Variants in RALGPS2 observed in about 807,000 individuals in gnomAD.
RALGPS2 encodes the protein Ral GEF with PH domain and SH3 binding motif 2.
A neutral mutation model predicts 86.8 loss-of-function variants in RALGPS2; 43 were observed. That is an observed-to-expected ratio of 0.50 (90% CI 0.39 to 0.64). RALGPS2 has a LOEUF of 0.64. Ranked by LOEUF, RALGPS2 falls within the 30% of genes least tolerant of loss-of-function variation. The probability of loss-of-function intolerance (pLI) is 0.00; values close to 1 mark genes in which losing one functional copy is unlikely to be tolerated. For missense variants in RALGPS2, 536 were observed against 694.6 expected (o/e 0.77, Z 2.57); for synonymous variants, 243 against 231.3 (o/e 1.05, Z -0.46).
At chr1:178,766,612 C>T (rs1370803183) in intron 1 of RALGPS2, among the ~76,000 whole-genome samples, 1 of 152,164 alleles carries the variant, frequency 6.6e-6, no homozygotes, top group Non-Finnish European at 1.5e-5. Flanking sequence ...GCTCAAAGTA[C>T]AGCCATTAGC....
At chr1:178,901,098 A>T (rs569934622) in intron 17 of RALGPS2, among the ~76,000 whole-genome samples, 1 of 152,176 alleles carries the variant, frequency 6.6e-6, no homozygotes, top group African/African-American at 2.4e-5. Context: ...TCATGTTGTT[A>T]TGAATGTGCC....
At chr1:178,776,967 A>T (rs1377699384) in intron 2 of RALGPS2, 146 bp downstream of exon 2, 3 of 613,942 alleles carry the variant, frequency 4.9e-6, no homozygotes, top group South Asian at 2.2e-5. Flanking sequence ...ATTTTTTTTT[A>T]TACTTTAAGT....
intron 4 of RALGPS2, among the ~76,000 whole-genome samples, chr1:178,800,878 G>C (rs1247284974): frequency 1.3e-5 from 2 of 151,850 alleles, no homozygotes; most frequent in Non-Finnish European, 2.9e-5. Flanking sequence ...AGAGAGGGCT[G>C]TGAATCACCT....
At chr1:178,867,917 T>C (rs1167087067) in intron 8 of RALGPS2, among the ~76,000 whole-genome samples, 1 of 152,070 alleles carries the variant, frequency 6.6e-6, no homozygotes, top group African/African-American at 2.4e-5. Context: ...CCTTTTTTGG[T>C]ATTTTTCAAT....
intron 8 of RALGPS2, among the ~76,000 whole-genome samples, chr1:178,845,101 C>CAAA (rs769062978): frequency 2.3e-5 from 2 of 85,548 alleles, no homozygotes; most frequent in African/African-American, 4.1e-5. Flanking sequence ...GACTCCATCT[C>CAAA]AAAAAAAAAA....
intron 1 of RALGPS2, among the ~76,000 whole-genome samples, chr1:178,754,192 C>T (rs941076306): frequency 3.3e-5 from 5 of 151,458 alleles, no homozygotes; most frequent in Admixed American, 1.3e-4. Context: ...TATTAGGGTT[C>T]TCCAGAGAAA....
chr1:178,758,329 G>C lies in RALGPS2; in HGVS notation c.-83-18353G>C, dbSNP rs905211584. 2.0e-5 allele frequency among the ~76,000 whole-genome samples: 3 copies of C among 152,162 alleles called. No individual in the cohort carries two copies. The East Asian group carries it at 5.8e-4, about 29-fold the overall frequency. On this transcript the variant is annotated intron_variant, in intron 1 of 19. Transcript: ENST00000367635. Reference sequence around the variant, plus strand: ...CGAGATACTTTGATAGAGGCATACAGTGCGTAATAATCATCTCGTGGTAAA... The same window carrying C: ...CGAGATACTTTGATAGAGGCATACACTGCGTAATAATCATCTCGTGGTAAA...
intron 1 of RALGPS2, chr1:178,746,880 C>A (rs1394206758): frequency 8.5e-7 from 1 of 1,181,024 alleles, no homozygotes. Context: ...GTCAGTTTTT[C>A]TTCTTCTAGA....
chr1:178,892,109 C>G, intron 14 of RALGPS2, 121 bp from the exon 15 acceptor site: 1 of 957,010 alleles, frequency 1.0e-6, no homozygotes. Flanking sequence ...ACATACTATC[C>G]TTTTGTAAGA....
intron 8 of RALGPS2, among the ~76,000 whole-genome samples, chr1:178,848,629 T>C (rs547427588): frequency 1.3e-5 from 2 of 152,356 alleles, no homozygotes; most frequent in South Asian, 4.1e-4. Flanking sequence ...AATGGATCAA[T>C]GTAATTTCAT....
At chr1:178,793,279 G>A (rs770629849) in intron 4 of RALGPS2, among the ~76,000 whole-genome samples, 3 of 151,730 alleles carry the variant, frequency 2.0e-5, no homozygotes, top group Non-Finnish European at 4.4e-5. Context: ...TAGACTGGTT[G>A]ATCTTTAAAA....
At chr1:178,776,633 T>C (rs2102104767) in intron 1 of RALGPS2, 49 bp from the exon 2 acceptor site, 1 of 592,324 alleles carries the variant, frequency 1.7e-6, no homozygotes, top group African/African-American at 2.0e-5. Context: ...AGAGTTGTTT[T>C]CTTGAACTTC....
chr1:178,762,255 G>A (rs376372691), intron 1 of RALGPS2, among the ~76,000 whole-genome samples: 26 of 152,132 alleles, frequency 1.7e-4, no homozygotes, highest in Middle Eastern at 3.4e-3. Flanking sequence ...TCAGTCTACC[G>A]TTAATGGGTA....
chr1:178,746,932 T>G (rs1651365063), intron 1 of RALGPS2: 1 of 1,063,844 alleles, frequency 9.4e-7, no homozygotes, highest in Non-Finnish European at 1.5e-6. Context: ...TTATTTTGTT[T>G]GGTGAATGAT....
intron 6 of RALGPS2, among the ~76,000 whole-genome samples, chr1:178,821,161 G>A (rs1339787566): frequency 1.3e-5 from 2 of 152,140 alleles, no homozygotes; most frequent in Non-Finnish European, 2.9e-5. Context: ...TGAAAGGCAG[G>A]TTTCTCCCTT....
intron 4 of RALGPS2, among the ~76,000 whole-genome samples, chr1:178,792,375 T>A (rs1157218888): frequency 1.3e-5 from 2 of 152,250 alleles, no homozygotes; most frequent in Non-Finnish European, 2.9e-5. Flanking sequence ...TTCTCTGTCC[T>A]TCTTCTGTTC....
intron 8 of RALGPS2, among the ~76,000 whole-genome samples, chr1:178,867,237 A>G (rs1310661145): frequency 6.6e-6 from 1 of 152,122 alleles, no homozygotes; most frequent in Non-Finnish European, 1.5e-5. Context: ...TGTTTTACTT[A>G]TCACCACAAC....
intron 18 of RALGPS2, among the ~76,000 whole-genome samples, chr1:178,906,236 A>C (rs969993950): frequency 1.3e-5 from 2 of 152,130 alleles, no homozygotes; most frequent in African/African-American, 4.8e-5. Flanking sequence ...TTAGCTGGGC[A>C]TGGTGGTGCA....
intron 19 of RALGPS2, 28 bp downstream of exon 19, chr1:178,906,895 A>C (rs1660407902): frequency 1.3e-6 from 2 of 1,598,276 alleles, no homozygotes; most frequent in African/African-American, 1.3e-5. Context: ...TTCTCAGAAT[A>C]GTCCATAATT....
Sources: gnomAD v4.1 joint callset for allele counts (sites outside exome capture counted in the v4.1 genomes callset) on GRCh38, gnomAD v4.1.1 for gene constraint, MANE v1.5 for transcripts, NCBI Gene and HGNC (gene_info 2026-07-23, HGNC 2026-07-21) for gene names.